LCOR: variants seen among roughly 807,000 people sequenced by gnomAD.
LCOR encodes the protein ligand-dependent corepressor.
LCOR carries 14 observed loss-of-function variants against 64.4 expected under a neutral mutation model. That is an observed-to-expected ratio of 0.22 (90% CI 0.14 to 0.34). The LOEUF is 0.34. Ranked by LOEUF, LCOR falls within the 10% of genes least tolerant of loss-of-function variation. The pLI is 1.00. For missense variants in LCOR, 1,686 were observed against 1,765.3 expected, an observed-to-expected ratio of 0.96 and a Z score of 0.80; for synonymous variants, 643 against 642.5, an observed-to-expected ratio of 1.00 and a Z score of -0.01.
chr10:96,878,727 A>G (rs1389444417), intron 2 of LCOR, among the ~76,000 whole-genome samples: 2 of 152,138 alleles, frequency 1.3e-5, no homozygotes, highest in East Asian at 3.8e-4. Flanking sequence ...TTCATTAATC[A>G]TGATTTCTCA....
Position 96,989,670 on chromosome 10 carries a change from TAAGG to T in LCOR, c.*4538_*4541del, listed in dbSNP as rs1317148760. ...TCCTCCTTTTCCAAAAACTCAAGGA[TAAGG>T]ATATATATATATATATATATATTTT... On this transcript the variant is annotated 3_prime_UTR_variant, in exon 8 of 8. Coordinates refer to ENST00000421806, the MANE Select transcript of LCOR (RefSeq NM_001346516.2). 8.2e-6 allele frequency: 1 copy of T among 122,246 alleles called. No individual in the cohort carries two copies. The highest frequency in any genetic ancestry group is 1.6e-5 in the Non-Finnish European group (1 of 62,666). 7.6% of individuals were successfully genotyped at this position (122,246 alleles called of 1,614,324 possible).
intron 7 of LCOR, among the ~76,000 whole-genome samples, chr10:96,973,923 A>G (rs1344035141): frequency 6.6e-6 from 1 of 152,176 alleles, no homozygotes; most frequent in East Asian, 1.9e-4. Context: ...TCCATGCCAA[A>G]TCTCTTCTCC....
At position 96,983,964 on chromosome 10, in the gene LCOR, T is replaced by C. The variant is rs1848120463; in HGVS notation, c.3504T>C (p.Ser1168=). The C allele has an allele frequency of 1.2e-6, 2 of 1,614,094 alleles. No homozygotes were observed. Among genetic ancestry groups the C allele is most frequent in the Non-Finnish European group, 1.7e-6 (2 of 1,180,042 alleles). The stretch of plus-strand genomic sequence containing the variant: ...GTTCATTGGAGAGTCAGAAGTGTTC[T>C]CCTGTTCAGATGCTCTTTATGACAA... The part of the protein sequence containing the change: ...CRSSLESQKC[S]PVQMLFMTNF... Residue 1168 remains serine (S), a synonymous_variant, in exon 8 of 8, where the codon TCT becomes TCC. Transcript: ENST00000421806. This position sits in a 1 kb window ranked among gnomAD's most constrained non-coding sequence, Gnocchi z 4.5.
intron 4 of LCOR, among the ~76,000 whole-genome samples, chr10:96,912,747 G>C (rs1344461088): frequency 6.7e-6 from 1 of 150,310 alleles, no homozygotes; most frequent in Non-Finnish European, 1.5e-5. Flanking sequence ...AGTTTTTCAT[G>C]CACTAATTTT....
chr10:96,920,730 A>ATAGATATGTG (rs1847059359), intron 4 of LCOR, among the ~76,000 whole-genome samples: 1 of 111,452 alleles, frequency 9.0e-6, no homozygotes, highest in African/African-American at 4.4e-5. Context: ...ATATATGTTC[A>ATAGATATGTG]TATATATGTG....
At chr10:96,837,092 A>T (rs746633499) in intron 2 of LCOR, among the ~76,000 whole-genome samples, 4 of 151,900 alleles carry the variant, frequency 2.6e-5, no homozygotes, top group Non-Finnish European at 4.4e-5. Context: ...CCTGGGTTCA[A>T]GCCATTCTCC....
At chr10:96,851,335 G>A (rs571275699) in intron 2 of LCOR, among the ~76,000 whole-genome samples, 5 of 152,194 alleles carry the variant, frequency 3.3e-5, no homozygotes, top group Non-Finnish European at 7.3e-5. Flanking sequence ...TGAATGAAGA[G>A]TAAATAAAAT....
intron 2 of LCOR, among the ~76,000 whole-genome samples, chr10:96,904,988 G>T (rs1173130597): frequency 2.6e-5 from 4 of 152,296 alleles, no homozygotes; most frequent in Middle Eastern, 6.8e-3. Context: ...ATGAGCAAAA[G>T]AGGAGTGACT....
chr10:96,891,904 A>AT (rs1182590386), intron 2 of LCOR, among the ~76,000 whole-genome samples: 4 of 151,698 alleles, frequency 2.6e-5, no homozygotes, highest in Admixed American at 2.0e-4. Flanking sequence ...ATATTTGCAA[A>AT]TTTTTCAGTT....
intron 4 of LCOR, among the ~76,000 whole-genome samples, chr10:96,908,376 G>A (rs1846766702): frequency 6.6e-6 from 1 of 152,104 alleles, no homozygotes; most frequent in South Asian, 2.1e-4. Context: ...TGAAATGTGT[G>A]GTAATTCAAG....
intron 2 of LCOR, among the ~76,000 whole-genome samples, chr10:96,906,409 C>T (rs886701598): frequency 2.6e-5 from 4 of 152,128 alleles, no homozygotes; most frequent in African/African-American, 9.7e-5. Context: ...CTGCTTTAAT[C>T]TGTTATTTCT....
In LCOR at chr10:96,984,639, A is replaced by G. The variant is rs541719244; in HGVS notation, c.4179A>G (p.Ala1393=). Residue 1393 remains alanine, a synonymous_variant, in exon 8 of 8, where the codon GCA becomes GCG. Transcript: ENST00000421806. ...AGGTGTCTGAAATCTTGCCTAAAGC[A>G]GAAGTTCAGAGTAAACGCAAGAGAA... The part of the protein sequence containing the change: ...GKQVSEILPK[A]EVQSKRKRTE... 2.5e-6 allele frequency: 4 copies of G among 1,614,206 alleles called. No individual in the cohort carries two copies. The African/African-American group carries it at 5.3e-5, about 22-fold the overall frequency.
At chr10:96,869,836 G>A (rs1238055769) in intron 2 of LCOR, among the ~76,000 whole-genome samples, 1 of 151,868 alleles carries the variant, frequency 6.6e-6, no homozygotes, top group East Asian at 1.9e-4. Context: ...TGGCCTCCCA[G>A]AGTGCTGGGA....
chr10:96,991,156 A>G lies in LCOR; in HGVS notation c.*6022A>G, dbSNP rs1322952631. 6.6e-6 allele frequency: 1 copy of G among 151,980 alleles called. No individual in the cohort carries two copies. Among genetic ancestry groups the G allele is most frequent in the Non-Finnish European group, 1.5e-5 (1 of 68,022 alleles). The allele number at this position is 151,980 out of a possible 1,614,324, so 9.4% of individuals were successfully genotyped here. A position where few individuals can be genotyped will look rare whatever the true frequency, so the allele number is the denominator to read the frequency against. On this transcript the variant is annotated 3_prime_UTR_variant, in exon 8 of 8. Coordinates refer to ENST00000421806, the MANE Select transcript of LCOR (RefSeq NM_001346516.2). ...TAAAGATCAAATTGTGTAGACAGGC[A>G]CAACTTTTTTTTTTCATATGCTCCA...
At chr10:96,847,012 G>A (rs966240934) in intron 2 of LCOR, among the ~76,000 whole-genome samples, 2 of 152,176 alleles carry the variant, frequency 1.3e-5, no homozygotes, top group African/African-American at 4.8e-5. Context: ...GGAGACCGAG[G>A]TGGGAGGATT....
intron 4 of LCOR, among the ~76,000 whole-genome samples, chr10:96,942,339 A>C (rs933912390): frequency 5.9e-5 from 9 of 151,914 alleles, no homozygotes; most frequent in Middle Eastern, 3.5e-3. Context: ...GGCACTCGGC[A>C]GGCTGAGGCA....
At chr10:96,942,523 A>G (rs1847511160) in intron 4 of LCOR, among the ~76,000 whole-genome samples, 1 of 152,218 alleles carries the variant, frequency 6.6e-6, no homozygotes, top group African/African-American at 2.4e-5. Flanking sequence ...AAATTTTTTA[A>G]TACATTATAT....
At chr10:96,870,183 C>T (rs762323757) in intron 2 of LCOR, among the ~76,000 whole-genome samples, 2 of 151,702 alleles carry the variant, frequency 1.3e-5, no homozygotes, top group South Asian at 2.1e-4. Context: ...CCACCACGCC[C>T]GGCTAATTTT....
chr10:96,915,513 C>T, intron 4 of LCOR: 2 of 463,264 alleles, frequency 4.3e-6, no homozygotes, highest in South Asian at 2.0e-5. Flanking sequence ...GAGTGAGACT[C>T]CGTCTCCTAA....
Sources: allele counts gnomAD v4.1 joint callset (sites outside exome capture counted in the v4.1 genomes callset), GRCh38; gene constraint gnomAD v4.1.1; non-coding constraint Gnocchi (gnomAD v3.1); transcripts MANE v1.5; gene names NCBI Gene and HGNC (gene_info 2026-07-23, HGNC 2026-07-21).